DHRS12: variants seen among roughly 807,000 people sequenced by gnomAD.
DHRS12 encodes dehydrogenase/reductase 12.
In DHRS12, 29 loss-of-function variants were observed where a neutral mutation model predicts 32.1. The observed-to-expected ratio is 0.90, with a 90% CI of 0.67 to 1.23. The LOEUF (loss-of-function observed/expected upper bound fraction) is 1.23. DHRS12 is among the 50% of genes most tolerant of loss of function. The probability of loss-of-function intolerance (pLI) is 0.00; values close to 1 mark genes in which losing one functional copy is unlikely to be tolerated. For synonymous variants in DHRS12, 150 were observed against 135.9 expected (o/e 1.10, Z -0.72); for missense variants, 330 against 337.2 (o/e 0.98, Z 0.17).
chr13:51,791,877 A>G (rs957348193), intron 2 of DHRS12, among the ~76,000 whole-genome samples: 4 of 152,200 alleles, frequency 2.6e-5, no homozygotes. Flanking sequence ...TGCCTGGCTT[A>G]TTGAACTTGG....
At chr13:51,759,837 C>G in the DHRS12 span, 1 of 1,508,282 alleles carries the variant, frequency 6.6e-7, no homozygotes, top group Middle Eastern at 1.7e-4. Context: ...AAATCATTAC[C>G]AGAGTGGTAA....
At chr13:51,755,339 C>T in the DHRS12 span, 1 of 1,613,378 alleles carries the variant, frequency 6.2e-7, no homozygotes, top group Non-Finnish European at 8.5e-7. Flanking sequence ...GTGACCTGTT[C>T]TGTGCTTTAT....
At chr13:51,802,450 A>G (rs1955805258) in intron 1 of DHRS12, among the ~76,000 whole-genome samples, 1 of 152,214 alleles carries the variant, frequency 6.6e-6, no homozygotes, top group Non-Finnish European at 1.5e-5. Flanking sequence ...AGCTGAGGTG[A>G]CAGGGATGGG....
At chr13:51,784,660 T>A (rs4595696) in intron 4 of DHRS12, among the ~76,000 whole-genome samples, 1 of 152,196 alleles carries the variant, frequency 6.6e-6, no homozygotes, top group African/African-American at 2.4e-5. Flanking sequence ...AAACGATGCA[T>A]GAGGATAGCT....
At chr13:51,789,588 C>T (rs1250173100) in intron 4 of DHRS12, 3 of 985,294 alleles carry the variant, frequency 3.0e-6, no homozygotes, top group Admixed American at 6.1e-5. Context: ...TACAGAGTAG[C>T]AACCAGAGCC....
Position 51,804,108 on chromosome 13 carries a change from A to G in DHRS12, c.-63T>C, listed in dbSNP as rs1045840266. The G allele has an allele frequency of 3.4e-6, 5 of 1,488,988 alleles. No individual in the cohort carries two copies. In the East Asian group the frequency reaches 1.1e-4, roughly 34 times the overall value. 92.2% of individuals were successfully genotyped at this position (1,488,988 alleles called of 1,614,324 possible). ...CCACACGACGCTGCGGTACAGGGACATGCCGGGAGCGCCCCACGCCTAGCC... is the reference window on the plus strand; with the variant it reads ...CCACACGACGCTGCGGTACAGGGACGTGCCGGGAGCGCCCCACGCCTAGCC... On this transcript the variant is annotated 5_prime_UTR_variant, in exon 1 of 9. It removes an upstream start codon present in the reference 5' UTR. Coordinates refer to ENST00000444610, the MANE Select transcript of DHRS12 (RefSeq NM_001377533.1).
chr13:51,777,290 T>A lies in DHRS12; in HGVS notation c.302-169A>T, dbSNP rs1954479055. 1.1e-5 allele frequency: 7 copies of A among 649,070 alleles called. No homozygotes were observed. The South Asian group carries it at 1.3e-4, about 12-fold the overall frequency. 40.2% of individuals were successfully genotyped at this position (649,070 alleles called of 1,614,324 possible). The stretch of plus-strand genomic sequence containing the variant: ...GAGGATCCTTCAAGCCAAATGTTCC[T>A]TTTCCCAGGACTGGAAGAAAGATGC... On this transcript the variant is annotated intron_variant, in intron 4 of 8. Coordinates refer to ENST00000444610, the MANE Select transcript of DHRS12 (RefSeq NM_001377533.1).
At chr13:51,764,299 T>C (rs1953678971), downstream of DHRS12, 1 of 152,298 alleles carries the variant, frequency 6.6e-6, no homozygotes, top group Admixed American at 6.5e-5. Flanking sequence ...AATGTGGTTA[T>C]GATAGAGGCA....
rs1954018707 is a variant in DHRS12 at position 51,771,575 on chromosome 13, C to G, written c.559+246G>C. 18 of 1,570,862 alleles carry G rather than the reference C, an allele frequency of 1.1e-5. No homozygotes were observed. In the South Asian group the frequency reaches 2.1e-4, roughly 19 times the overall value. ...AGTTAGCAGGGCGCCCCAGGCGCAC[C>G]TGCTCCCGTTCCCACCATCTCCTTC... On this transcript the variant is annotated intron_variant, in intron 7 of 8. Coordinates refer to ENST00000444610, the MANE Select transcript of DHRS12 (RefSeq NM_001377533.1).
chr13:51,777,211 C>T, intron 4 of DHRS12, 90 bp from the exon 5 acceptor site: 1 of 1,473,736 alleles, frequency 6.8e-7, no homozygotes, highest in Non-Finnish European at 9.4e-7. Flanking sequence ...TGTCTGCCCG[C>T]ACCCGCCCCC....
At chr13:51,770,818 A>G (rs575697933) in intron 7 of DHRS12, 1 of 1,053,264 alleles carries the variant, frequency 9.5e-7, no homozygotes, top group East Asian at 7.9e-5. Flanking sequence ...TATAGTGCAC[A>G]CAGGGTTTTT....
chr13:51,774,465 CTACAG>C (rs1280092518), intron 5 of DHRS12: 2 of 82,974 alleles, frequency 2.4e-5, no homozygotes, highest in Non-Finnish European at 4.3e-5. Context: ...ATGTATTCTC[CTACAG>C]TATTCTCCTA....
At chr13:51,801,642 T>A (rs1287978817) in intron 1 of DHRS12, among the ~76,000 whole-genome samples, 1 of 152,114 alleles carries the variant, frequency 6.6e-6, no homozygotes, top group East Asian at 1.9e-4. Context: ...AACACAGACG[T>A]GAGCCCTGGA....
intron 7 of DHRS12, among the ~76,000 whole-genome samples, chr13:51,770,141 TAA>T (rs1809405999): frequency 6.6e-6 from 1 of 152,194 alleles, no homozygotes; most frequent in Admixed American, 6.5e-5. Flanking sequence ...TTTTTTAAAT[TAA>T]AAATAAACAT....
intron 4 of DHRS12, among the ~76,000 whole-genome samples, chr13:51,788,160 C>T (rs916346532): frequency 4.0e-5 from 6 of 151,544 alleles, no homozygotes; most frequent in African/African-American, 1.5e-4. Context: ...CATGGAGCCT[C>T]GCATTTCCAT....
At chr13:51,755,998 C>T in the DHRS12 span, among the ~76,000 whole-genome samples, 12 of 151,858 alleles carry the variant, frequency 7.9e-5, no homozygotes, top group African/African-American at 2.2e-4. Flanking sequence ...TCTCCTGAGA[C>T]GGCAGTTTCT....
chr13:51,794,755 C>A (rs987851580), intron 2 of DHRS12, among the ~76,000 whole-genome samples: 1 of 151,304 alleles, frequency 6.6e-6, no homozygotes, highest in African/African-American at 2.4e-5. Context: ...TCAAAAATCC[C>A]GAGAGCCTAT....
chr13:51,788,289 C>A (rs1308413058), intron 4 of DHRS12, among the ~76,000 whole-genome samples: 1 of 152,058 alleles, frequency 6.6e-6, no homozygotes, highest in Non-Finnish European at 1.5e-5. Flanking sequence ...TCTAGCATGA[C>A]CCCACATTTT....
intron 6 of DHRS12, 75 bp from the exon 7 acceptor site, chr13:51,771,986 GC>G: frequency 1.4e-6 from 2 of 1,420,374 alleles, no homozygotes; most frequent in Admixed American, 3.6e-5. Flanking sequence ...GATAAGCCCT[GC>G]CCAGCCTGGC....
Sources: allele counts gnomAD v4.1 joint callset (sites outside exome capture counted in the v4.1 genomes callset), GRCh38; gene constraint gnomAD v4.1.1; transcripts MANE v1.5; gene names NCBI Gene and HGNC (gene_info 2026-07-23, HGNC 2026-07-21).